APOOL: variants seen among roughly 807,000 people sequenced by gnomAD.
APOOL encodes the protein MICOS complex subunit MIC27.
In APOOL, 12 loss-of-function variants were observed where a neutral mutation model predicts 23.1. The observed-to-expected ratio is 0.52, with a 90% CI of 0.33 to 0.84. APOOL has a LOEUF of 0.84. APOOL is among the 40% of genes least tolerant of loss of function. APOOL has a pLI of 0.02. For synonymous variants in APOOL, 77 were observed against 69.9 expected (o/e 1.10, Z -0.51); for missense variants, 212 against 199.6 (o/e 1.06, Z -0.37).
intron 8 of APOOL, among the ~76,000 whole-genome samples, chrX:85,075,364 G>A (rs1348515724): frequency 9.0e-6 from 1 of 111,241 alleles, no homozygotes; most frequent in Admixed American, 9.7e-5. Flanking sequence ...GTGAGTAGCA[G>A]AGTTCTGTTT....
intron 1 of APOOL, among the ~76,000 whole-genome samples, chrX:85,035,335 G>A (rs1398026885): frequency 1.8e-5 from 2 of 111,031 alleles, no homozygotes; most frequent in Non-Finnish European, 3.8e-5. Context: ...GATTGTCTAA[G>A]TTTTGCGTAG....
intron 1 of APOOL, among the ~76,000 whole-genome samples, chrX:85,013,613 A>G (rs1387841827): frequency 8.9e-6 from 1 of 111,828 alleles, no homozygotes; most frequent in East Asian, 2.8e-4. Context: ...TTTAATTTAC[A>G]TGTATTTGTA....
intron 1 of APOOL, among the ~76,000 whole-genome samples, chrX:85,015,274 G>A (rs1179087293): frequency 1.8e-5 from 2 of 110,195 alleles, no homozygotes; most frequent in African/African-American, 6.6e-5. Context: ...CCTTTCTGTG[G>A]TATCTCCTTG....
chrX:85,013,310 T>G (rs1024301779), intron 1 of APOOL, among the ~76,000 whole-genome samples: 2 of 112,133 alleles, frequency 1.8e-5, no homozygotes, highest in African/African-American at 6.5e-5. Context: ...TGTATTTTTT[T>G]GTTTCAATTT....
Position 85,023,969 on chromosome X carries a change from T to G in APOOL, c.15+20042T>G, listed in dbSNP as rs767328222. Among the ~76,000 whole-genome samples, 10 of 112,320 alleles carry G rather than the reference T, an allele frequency of 8.9e-5. No homozygotes were observed. The South Asian group carries it at 3.3e-3, about 37-fold the overall frequency. The stretch of plus-strand genomic sequence containing the variant: ...ACCCCAGGCTTCTTGTTGTTGTTGT[T>G]TGTTCCCTTATTTGTTTAGTGACTT... On this transcript the variant is annotated intron_variant, in intron 1 of 8. Transcript: ENST00000373173.
chrX:85,063,627 G>A (rs1284602500), intron 5 of APOOL, among the ~76,000 whole-genome samples: 1 of 111,051 alleles, frequency 9.0e-6, no homozygotes, highest in East Asian at 2.8e-4. Flanking sequence ...ATAATCATGT[G>A]GTTTTTGTCT....
Position 85,074,127 on chromosome X carries a change from A to G in APOOL, c.600+16A>G. The G allele has an allele frequency of 2.6e-6, 3 of 1,152,589 alleles. No homozygotes were observed. Among genetic ancestry groups the G allele is most frequent in the Non-Finnish European group, 3.5e-6 (3 of 860,281 alleles). The allele number at this position is 1,152,589 out of a possible 1,213,427, so 95.0% of individuals were successfully genotyped here. A position where few individuals can be genotyped will look rare whatever the true frequency, so the allele number is the denominator to read the frequency against. On this transcript the variant is annotated intron_variant, in intron 7 of 8. Coordinates refer to ENST00000373173, the MANE Select transcript of APOOL (RefSeq NM_198450.6). Reference sequence around the variant, plus strand: ...AAAAACTAAGGTAGAGTTTACATGGAGCAAGACGGTCAACATTGAGTTTTG... The same window carrying G: ...AAAAACTAAGGTAGAGTTTACATGGGGCAAGACGGTCAACATTGAGTTTTG...
intron 6 of APOOL, among the ~76,000 whole-genome samples, chrX:85,071,115 C>T (rs1923651087): frequency 9.0e-6 from 1 of 111,434 alleles, no homozygotes; most frequent in South Asian, 3.8e-4. Flanking sequence ...GGATATTTAA[C>T]AAAAAATCTT....
intron 8 of APOOL, among the ~76,000 whole-genome samples, chrX:85,078,902 G>T (rs913535815): frequency 1.1e-4 from 12 of 111,430 alleles, no homozygotes; most frequent in African/African-American, 3.9e-4. Flanking sequence ...GTCTGTTAAT[G>T]GTGTATAAGA....
intron 5 of APOOL, among the ~76,000 whole-genome samples, chrX:85,064,667 A>G (rs1321947962): frequency 9.0e-6 from 1 of 111,421 alleles, no homozygotes; most frequent in Non-Finnish European, 1.9e-5. Context: ...CAGCTTGTAC[A>G]ATTTCCATGT....
chrX:85,049,345 A>G (rs1278837749), intron 2 of APOOL, among the ~76,000 whole-genome samples: 2 of 111,703 alleles, frequency 1.8e-5, no homozygotes, highest in Non-Finnish European at 3.8e-5. Context: ...CGTTTCAACT[A>G]TGCCTATGCC....
At chrX:85,087,489 C>A (rs890994982) in intron 8 of APOOL, 101 bp from the exon 9 acceptor site, 9 of 647,818 alleles carry the variant, frequency 1.4e-5, no homozygotes, top group African/African-American at 1.4e-4. Flanking sequence ...AGGTCTGTGT[C>A]ACTAGAGATT....
At chrX:85,065,004 G>A (rs921520016) in intron 5 of APOOL, among the ~76,000 whole-genome samples, 2 of 111,442 alleles carry the variant, frequency 1.8e-5, no homozygotes, top group Admixed American at 9.6e-5. Flanking sequence ...CTATTATTAT[G>A]TGGAGGTGTG....
chrX:85,091,760 A>G lies in APOOL; in HGVS notation c.*4082A>G, dbSNP rs1411978699. 8.9e-6 allele frequency: 1 copy of G among 112,041 alleles called. No homozygotes were observed. Among genetic ancestry groups the G allele is most frequent in the Non-Finnish European group, 1.9e-5 (1 of 53,237 alleles). 9.2% of individuals were successfully genotyped at this position (112,041 alleles called of 1,213,427 possible). A position where few individuals can be genotyped will look rare whatever the true frequency, so the allele number is the denominator to read the frequency against. On this transcript the variant is annotated 3_prime_UTR_variant, in exon 9 of 9. Transcript: ENST00000373173. ...CAGTGGTACTTAAGCTGCTCAAGGT[A>G]GGGAAGCAGTTTACTTGCTAGTTTT...
intron 1 of APOOL, among the ~76,000 whole-genome samples, chrX:85,038,625 A>G (rs1171492447): frequency 1.1e-5 from 1 of 92,007 alleles, no homozygotes; most frequent in Non-Finnish European, 2.1e-5. Flanking sequence ...TAATTTCTTC[A>G]TGGTTCAATC....
At chrX:85,029,945 A>T (rs138579053) in intron 1 of APOOL, among the ~76,000 whole-genome samples, 2,707 of 112,038 alleles carry the variant, frequency 0.024, 73 homozygotes, top group African/African-American at 0.082. Context: ...GGAAAACAGT[A>T]TGGGGATTCC....
chrX:85,068,695 C>T (rs927457582), intron 6 of APOOL, among the ~76,000 whole-genome samples: 1 of 111,340 alleles, frequency 9.0e-6, no homozygotes, highest in African/African-American at 3.3e-5. Flanking sequence ...CGTGAGCCAC[C>T]GTGCCCGGCC....
At chrX:85,049,805 A>G (rs1302130462) in intron 2 of APOOL, among the ~76,000 whole-genome samples, 1 of 110,713 alleles carries the variant, frequency 9.0e-6, no homozygotes, top group Admixed American at 9.7e-5. Flanking sequence ...CAAACAAACA[A>G]AAAACAACTT....
chrX:85,015,380 T>G (rs1231246442), intron 1 of APOOL, among the ~76,000 whole-genome samples: 1 of 110,528 alleles, frequency 9.0e-6, no homozygotes, highest in Non-Finnish European at 1.9e-5. Flanking sequence ...GTGTGATTAT[T>G]TGGGGGTGTT....
Sources: allele counts gnomAD v4.1 joint callset (sites outside exome capture counted in the v4.1 genomes callset), GRCh38; gene constraint gnomAD v4.1.1; transcripts MANE v1.5; gene names NCBI Gene and HGNC (gene_info 2026-07-23, HGNC 2026-07-21).